Variants in APP observed in about 807,000 individuals in gnomAD.
APP encodes the protein amyloid-beta precursor protein.
In APP, 31 loss-of-function variants were observed where a neutral mutation model predicts 101.4. That is an observed-to-expected ratio of 0.31 (90% confidence interval 0.23 to 0.41). APP has a LOEUF of 0.41. APP is among the 10% of genes least tolerant of loss of function. The pLI, the probability that APP is intolerant of heterozygous loss-of-function variation, is 1.00. For missense variants in APP, 839 were observed against 1,003.7 expected (o/e 0.84, Z 2.22); for synonymous variants, 366 against 364.4 (o/e 1.00, Z -0.05).
intron 8 of APP, among the ~76,000 whole-genome samples, chr21:25,984,105 G>A (rs936572345): frequency 6.6e-6 from 1 of 152,144 alleles, no homozygotes; most frequent in East Asian, 1.9e-4. Flanking sequence ...ATACATGTTA[G>A]TGGCCTTCCC....
intron 5 of APP, among the ~76,000 whole-genome samples, chr21:26,035,381 T>C (rs1297924220): frequency 6.6e-6 from 1 of 152,066 alleles, no homozygotes; most frequent in Non-Finnish European, 1.5e-5. Context: ...GCCCGGGGGT[T>C]AGCAAGCTGG....
Position 26,128,165 on chromosome 21 carries a change from G to A in APP, c.58-16019C>T, listed in dbSNP as rs956354272. Among the ~76,000 whole-genome samples the A allele has an allele frequency of 4.6e-5, 7 of 152,188 alleles. No homozygotes were observed. In the East Asian group the frequency reaches 7.7e-4, roughly 17 times the overall value. ...TCTCTAAAAGAGACAAACTGGTAAC[G>A]ACACTGCAACACGTGTGTCGTCAAC... On this transcript the variant is annotated intron_variant, in intron 1 of 17. Transcript: ENST00000346798.
At chr21:26,008,584 A>G (rs888243312) in intron 6 of APP, among the ~76,000 whole-genome samples, 1 of 152,160 alleles carries the variant, frequency 6.6e-6, no homozygotes, top group African/African-American at 2.4e-5. Context: ...TACTCCCACC[A>G]TTGGTATTTC....
At chr21:25,990,106 C>CA (rs372904510) in intron 8 of APP, among the ~76,000 whole-genome samples, 2 of 134,728 alleles carry the variant, frequency 1.5e-5, no homozygotes, top group African/African-American at 3.1e-5. Context: ...AAAATAACAA[C>CA]AAAAGAAAAA....
At chr21:26,061,423 A>G (rs532656304) in intron 3 of APP, among the ~76,000 whole-genome samples, 10 of 152,178 alleles carry the variant, frequency 6.6e-5, no homozygotes, top group Non-Finnish European at 1.0e-4. Flanking sequence ...CTTACTCCAC[A>G]AATTTTTTTG....
chr21:26,147,697 C>A (rs906287652), intron 1 of APP, among the ~76,000 whole-genome samples: 2 of 151,972 alleles, frequency 1.3e-5, no homozygotes, highest in Non-Finnish European at 2.9e-5. Flanking sequence ...TAAGTTAATC[C>A]CCATTAAGTC....
chr21:25,888,963 C>T (rs1032839794), intron 17 of APP, among the ~76,000 whole-genome samples: 7 of 152,148 alleles, frequency 4.6e-5, no homozygotes, highest in African/African-American at 1.7e-4. Context: ...AAATTTTCAA[C>T]ACTCAGATTC....
intron 6 of APP, among the ~76,000 whole-genome samples, chr21:26,003,721 C>T (rs541806205): frequency 7.9e-4 from 120 of 152,308 alleles, no homozygotes; most frequent in African/African-American, 2.8e-3. Context: ...CTTCTCTTAA[C>T]ATGCAACCCC....
intron 1 of APP, among the ~76,000 whole-genome samples, chr21:26,155,226 C>T (rs1478769337): frequency 6.6e-6 from 1 of 152,154 alleles, no homozygotes; most frequent in Non-Finnish European, 1.5e-5. Context: ...AGCTAGATTG[C>T]ACTCTAGCCT....
rs2036969652 is a variant in APP at position 25,881,301 on chromosome 21, A to T, written c.*369T>A. 1 of 310,650 alleles carries T rather than the reference A, an allele frequency of 3.2e-6. No individual in the cohort carries two copies. Among genetic ancestry groups the T allele is most frequent in the African/African-American group, 2.2e-5 (1 of 46,494 alleles). The allele number at this position is 310,650 out of a possible 1,614,324, so 19.2% of individuals were successfully genotyped here. A position where few individuals can be genotyped will look rare whatever the true frequency, so the allele number is the denominator to read the frequency against. On this transcript the variant is annotated 3_prime_UTR_variant, in exon 18 of 18. Transcript: ENST00000346798. ...CCCCATCGATTCTTAAAGCATATGT[A>T]AAGTAGGACTTAATTGGGTCACAAA...
chr21:25,900,122 C>T (rs999763543), intron 15 of APP, among the ~76,000 whole-genome samples: 4 of 152,096 alleles, frequency 2.6e-5, no homozygotes, highest in African/African-American at 9.7e-5. Flanking sequence ...GGTAGTGATG[C>T]TAAAACTCTC....
intron 6 of APP, among the ~76,000 whole-genome samples, chr21:26,013,317 AAAAAC>A (rs1443067067): frequency 1.3e-5 from 2 of 152,202 alleles, no homozygotes; most frequent in African/African-American, 4.8e-5. Context: ...ACTCCATCTT[AAAAAC>A]AAAACAAAAC....
intron 11 of APP, among the ~76,000 whole-genome samples, chr21:25,968,381 A>C (rs934799399): frequency 6.4e-5 from 9 of 141,460 alleles, no homozygotes; most frequent in Non-Finnish European, 1.2e-4. Context: ...GGGTGGTCTC[A>C]AATTCCTGGG....
intron 1 of APP, among the ~76,000 whole-genome samples, chr21:26,113,312 C>G (rs2146209849): frequency 6.6e-6 from 1 of 152,286 alleles, no homozygotes; most frequent in South Asian, 2.1e-4. Flanking sequence ...AGGAAAAACA[C>G]CAACTAAAAT....
intron 7 of APP, 94 bp from the exon 8 acceptor site, chr21:25,997,510 TAACA>T (rs1166238751): frequency 1.8e-6 from 2 of 1,141,516 alleles, no homozygotes; most frequent in African/African-American, 3.1e-5. Flanking sequence ...AAAAACAACC[TAACA>T]AACAAAATCA....
At chr21:25,927,982 C>T (rs1441730956) in intron 13 of APP, among the ~76,000 whole-genome samples, 1 of 152,136 alleles carries the variant, frequency 6.6e-6, no homozygotes, top group Non-Finnish European at 1.5e-5. Context: ...ATGTGCTGAT[C>T]TGATTTCCAA....
At chr21:25,925,958 A>G (rs1355972253) in intron 13 of APP, among the ~76,000 whole-genome samples, 1 of 152,170 alleles carries the variant, frequency 6.6e-6, no homozygotes, top group East Asian at 1.9e-4. Context: ...CCAAAAACAA[A>G]CAACAAACAA....
At chr21:25,949,206 CAACAG>C (rs2040959349) in intron 13 of APP, among the ~76,000 whole-genome samples, 1 of 152,134 alleles carries the variant, frequency 6.6e-6, no homozygotes, top group South Asian at 2.1e-4. Context: ...TTTTATAACA[CAACAG>C]GACACTTGAA....
intron 13 of APP, chr21:25,933,810 TGAA>T (rs1271276637): frequency 6.6e-6 from 1 of 152,174 alleles, no homozygotes; most frequent in Non-Finnish European, 1.5e-5. Context: ...TTTTTTTTAA[TGAA>T]GAGGTCATAA....
Sources: gnomAD v4.1 joint callset for allele counts (sites outside exome capture counted in the v4.1 genomes callset) on GRCh38, gnomAD v4.1.1 for gene constraint, MANE v1.5 for transcripts, NCBI Gene and HGNC (gene_info 2026-07-23, HGNC 2026-07-21) for gene names.